DEK: variants seen among roughly 807,000 people sequenced by gnomAD.
DEK encodes DEK proto-oncogene, also known as protein DEK.
DEK carries 28 observed loss-of-function variants against 46.8 expected under a neutral mutation model. That is an observed-to-expected ratio of 0.60 (90% CI 0.44 to 0.82). The LOEUF (loss-of-function observed/expected upper bound fraction) is 0.82. Ranked by LOEUF, DEK falls within the 40% of genes least tolerant of loss-of-function variation. DEK has a pLI of 0.00. For missense variants in DEK, 416 were observed against 430.6 expected (o/e 0.97, Z 0.30); for synonymous variants, 160 against 144.5 (o/e 1.11, Z -0.77).
At chr6:18,243,495 A>T (rs1267319017) in intron 7 of DEK, among the ~76,000 whole-genome samples, 1 of 152,072 alleles carries the variant, frequency 6.6e-6, no homozygotes, top group Non-Finnish European at 1.5e-5. Context: ...TTCATCTCTC[A>T]TTGCTCTACT....
At chr6:18,258,266 T>C (rs1411996796) in intron 3 of DEK, 38 bp downstream of exon 3, 1 of 1,557,226 alleles carries the variant, frequency 6.4e-7, no homozygotes, top group African/African-American at 1.4e-5. Flanking sequence ...ATTTAGGCAC[T>C]TTCACCACAA....
At chr6:18,230,736 T>C (rs1271445082) in intron 9 of DEK, among the ~76,000 whole-genome samples, 7 of 152,152 alleles carry the variant, frequency 4.6e-5, no homozygotes, top group Non-Finnish European at 8.8e-5. Flanking sequence ...AGCAAGTCCT[T>C]AGAGACCTAC....
intron 5 of DEK, among the ~76,000 whole-genome samples, chr6:18,256,084 T>C (rs966777215): frequency 6.6e-6 from 1 of 151,782 alleles, no homozygotes; most frequent in African/African-American, 2.4e-5. Context: ...ACCTCCCAGG[T>C]TCAAGCGATT....
chr6:18,261,234 G>A (rs180947910), intron 2 of DEK, among the ~76,000 whole-genome samples: 5 of 152,002 alleles, frequency 3.3e-5, no homozygotes, highest in Non-Finnish European at 7.4e-5. Flanking sequence ...GCAGTAAAAG[G>A]AGATAATTTT....
chr6:18,227,586 CCT>C (rs768999866), intron 9 of DEK, among the ~76,000 whole-genome samples: 111 of 152,070 alleles, frequency 7.3e-4, no homozygotes, highest in Non-Finnish European at 1.1e-3. Context: ...ACGCTGGTCC[CCT>C]GAGTCCCCTT....
chr6:18,244,681 A>G (rs1791033634), intron 7 of DEK: 1 of 651,910 alleles, frequency 1.5e-6, no homozygotes, highest in Admixed American at 3.1e-5. Flanking sequence ...GAAAACTCAG[A>G]ATGCCAAGAG....
At chr6:18,228,260 G>C (rs1197019617) in intron 9 of DEK, among the ~76,000 whole-genome samples, 1 of 152,102 alleles carries the variant, frequency 6.6e-6, no homozygotes, top group East Asian at 1.9e-4. Flanking sequence ...AAATAGATGT[G>C]GCTGTATTAC....
chr6:18,225,720 C>A lies in DEK; in HGVS notation c.1127G>T (p.Ter376LeuextTer7). 1 of 1,613,228 alleles carries A rather than the reference C, an allele frequency of 6.2e-7. No individual in the cohort carries two copies. Among genetic ancestry groups the A allele is most frequent in the Non-Finnish European group, 8.5e-7 (1 of 1,179,544 alleles). ...IKTTVKELIS* is the reference protein window; with the variant it reads ...IKTTVKELISL ...GAGTCATCTTCTCTGTCCTCTATCTCAAGAAATTAGCTGTAATGAAAGAGA... is the reference window on the plus strand; with the variant it reads ...GAGTCATCTTCTCTGTCCTCTATCTAAAGAAATTAGCTGTAATGAAAGAGA... The change falls in exon 11 of 11, where the codon TGA (stop) becomes TTA (leucine). Residue 376 changes from the stop codon to leucine (L), a stop_lost. Transcript: ENST00000652689.
Position 18,224,112 on chromosome 6 carries a change from A to AATT in DEK, c.*1604_*1606dup, listed in dbSNP as rs577284421. 3 of 165,670 alleles carry AATT rather than the reference A, an allele frequency of 1.8e-5. No individual in the cohort carries two copies. The highest frequency in any genetic ancestry group is 7.2e-5 in the African/African-American group (3 of 41,918). 10.3% of individuals were successfully genotyped at this position (165,670 alleles called of 1,614,324 possible). A position where few individuals can be genotyped will look rare whatever the true frequency, so the allele number is the denominator to read the frequency against. On this transcript the variant is annotated 3_prime_UTR_variant, in exon 11 of 11. Coordinates refer to ENST00000652689, the MANE Select transcript of DEK (RefSeq NM_003472.4). ...AATCAATTTAAAAATCCCTTTTCAG[A>AATT]ATTATTCCCCATAAGGAAATGCTAT...
intron 7 of DEK, among the ~76,000 whole-genome samples, chr6:18,240,903 C>T (rs1790864560): frequency 6.6e-6 from 1 of 152,198 alleles, no homozygotes; most frequent in African/African-American, 2.4e-5. Context: ...ATATATCGCA[C>T]TTACTTCACT....
At chr6:18,239,351 TTTTTTTTTTTA>T (rs1288597337) in intron 7 of DEK, among the ~76,000 whole-genome samples, 80 of 144,446 alleles carry the variant, frequency 5.5e-4, no homozygotes, top group African/African-American at 1.7e-3. Flanking sequence ...TTTTTTTTTT[TTTTTTTTTTTA>T]AAAAAAAGAG....
At position 18,224,699 on chromosome 6, in the gene DEK, T is replaced by G. The variant is rs529223116; in HGVS notation, c.*1020A>C. The G allele has an allele frequency of 4.7e-6, 1 of 212,912 alleles. No individual in the cohort carries two copies. Among genetic ancestry groups the G allele is most frequent in the Non-Finnish European group, 9.5e-6 (1 of 105,198 alleles). The allele number at this position is 212,912 out of a possible 1,614,324, so 13.2% of individuals were successfully genotyped here. On this transcript the variant is annotated 3_prime_UTR_variant, in exon 11 of 11. Transcript: ENST00000652689. Reference sequence around the variant, plus strand: ...ATATTCTGGCATTATAATCTGGTACTTTAGTCATAATCGTGAAGCTGGCTA... The same window carrying G: ...ATATTCTGGCATTATAATCTGGTACGTTAGTCATAATCGTGAAGCTGGCTA...
At chr6:18,252,307 T>C (rs920276366) in intron 6 of DEK, among the ~76,000 whole-genome samples, 1 of 151,906 alleles carries the variant, frequency 6.6e-6, no homozygotes, top group South Asian at 2.1e-4. Context: ...CTCAGGAGTT[T>C]GTGACCATCT....
intron 2 of DEK, among the ~76,000 whole-genome samples, chr6:18,259,209 G>A (rs1791733025): frequency 6.7e-6 from 1 of 150,274 alleles, no homozygotes; most frequent in Non-Finnish European, 1.5e-5. Context: ...CCTGGCTAAC[G>A]TGGTGAAACC....
intron 9 of DEK, among the ~76,000 whole-genome samples, chr6:18,234,637 T>C (rs1203527936): frequency 6.6e-6 from 1 of 152,156 alleles, no homozygotes; most frequent in East Asian, 1.9e-4. Context: ...TATTATGAAT[T>C]CCTTCAATTT....
At chr6:18,262,052 GGTGA>G (rs1654503803) in intron 2 of DEK, among the ~76,000 whole-genome samples, 2 of 152,078 alleles carry the variant, frequency 1.3e-5, no homozygotes, top group South Asian at 2.1e-4. Flanking sequence ...AATCCGTGGT[GGTGA>G]GTGAGTTCTC....
Position 18,224,885 on chromosome 6 carries a change from C to T in DEK, c.*834G>A, listed in dbSNP as rs1213440372. The T allele has an allele frequency of 2.8e-5, 6 of 211,428 alleles. No homozygotes were observed. The highest frequency in any genetic ancestry group is 1.2e-4 in the Admixed American group (2 of 17,054). The allele number at this position is 211,428 out of a possible 1,614,324, so 13.1% of individuals were successfully genotyped here. Reference sequence around the variant, plus strand: ...TGGTCTGTCCTTATATAATATAAAACGTACCTACAGACACTTTTACAGAGT... The same window carrying T: ...TGGTCTGTCCTTATATAATATAAAATGTACCTACAGACACTTTTACAGAGT... On this transcript the variant is annotated 3_prime_UTR_variant, in exon 11 of 11. Transcript: ENST00000652689.
chr6:18,246,914 C>A (rs1791144519), intron 7 of DEK, among the ~76,000 whole-genome samples: 1 of 152,136 alleles, frequency 6.6e-6, no homozygotes, highest in Non-Finnish European at 1.5e-5. Flanking sequence ...AAAGAAAAAT[C>A]TGTGTCAGAA....
At chr6:18,239,470 G>A (rs1790813886) in intron 7 of DEK, among the ~76,000 whole-genome samples, 1 of 150,774 alleles carries the variant, frequency 6.6e-6, no homozygotes, top group African/African-American at 2.4e-5. Context: ...TCACCTGGCT[G>A]GATTTTAGTG....
Sources: allele counts gnomAD v4.1 joint callset (sites outside exome capture counted in the v4.1 genomes callset), GRCh38; gene constraint gnomAD v4.1.1; transcripts MANE v1.5; gene names NCBI Gene and HGNC (gene_info 2026-07-23, HGNC 2026-07-21).